The following CADM2 variants were observed in gnomAD, a reference collection of about 807,000 sequenced individuals.
The protein encoded by CADM2 is immunoglobulin superfamily member 4D.
Under a neutral mutation model 49.8 loss-of-function variants are expected in CADM2, and 12 were observed. The observed-to-expected ratio is 0.24, with a 90% CI of 0.15 to 0.39. The LOEUF is 0.39. CADM2 is among the 10% of genes least tolerant of loss of function. The pLI, the probability that CADM2 is intolerant of heterozygous loss-of-function variation, is 1.00. For synonymous variants in CADM2, 214 were observed against 175.4 expected (o/e 1.22, Z -1.74); for missense variants, 378 against 492.3 (o/e 0.77, Z 2.20).
chr3:85,595,157 G>T (rs1301272194), intron 1 of CADM2, among the ~76,000 whole-genome samples: 1 of 151,996 alleles, frequency 6.6e-6, no homozygotes, highest in African/African-American at 2.4e-5. Flanking sequence ...CAGTACTGAA[G>T]TGTCTATTCA....
At chr3:85,236,351 A>G (rs909834055) in intron 1 of CADM2, among the ~76,000 whole-genome samples, 7 of 152,070 alleles carry the variant, frequency 4.6e-5, no homozygotes, top group African/African-American at 1.7e-4. Context: ...AAGAAGGATT[A>G]AGACGTCAAT....
rs185775164 is a variant in CADM2 at position 85,725,420 on chromosome 3, G to T, written c.62-1102G>T. On this transcript the variant is annotated intron_variant, in intron 1 of 9. Coordinates refer to ENST00000383699, the MANE Select transcript of CADM2 (RefSeq NM_001167675.2). ...AAATCTATGTTAAATTTTACTAAAGGTCAGTCCACCAAACAAGACTGCACA... is the reference window on the plus strand; with the variant it reads ...AAATCTATGTTAAATTTTACTAAAGTTCAGTCCACCAAACAAGACTGCACA... Among the ~76,000 whole-genome samples, 3 of 151,840 alleles carry T rather than the reference G, an allele frequency of 2.0e-5. No individual in the cohort carries two copies. In the East Asian group the frequency reaches 5.8e-4, roughly 29 times the overall value.
rs1345720376 is a variant in CADM2 at position 85,013,965 on chromosome 3, TGTAATAATATTGTATATTATATATAC to T, written c.61+54299_61+54324del. ...AATATTGTATATTATATATACGCAG[TGTAATAATATTGTATATTATATATAC>T]GCAGTGTAATAATATTGTATATTAT... On this transcript the variant is annotated intron_variant, in intron 1 of 9. Coordinates refer to ENST00000383699, the MANE Select transcript of CADM2 (RefSeq NM_001167675.2). Among the ~76,000 whole-genome samples, 4 of 146,098 alleles carry T rather than the reference TGTAATAATATTGTATATTATATATAC, an allele frequency of 2.7e-5. No homozygotes were observed. In the Admixed American group the frequency reaches 2.8e-4, roughly 10 times the overall value.
At chr3:85,983,497 C>G (rs780523282) in intron 8 of CADM2, among the ~76,000 whole-genome samples, 1 of 151,556 alleles carries the variant, frequency 6.6e-6, no homozygotes, top group Non-Finnish European at 1.5e-5. Context: ...ACAGGTTTGA[C>G]TTGAGAGTTA....
chr3:85,877,844 TG>T (rs1264997572), intron 3 of CADM2, among the ~76,000 whole-genome samples: 1 of 152,080 alleles, frequency 6.6e-6, no homozygotes, highest in Non-Finnish European at 1.5e-5. Flanking sequence ...AGCTACTCAC[TG>T]AATGCCTACT....
intron 1 of CADM2, among the ~76,000 whole-genome samples, chr3:85,197,200 A>G (rs971110552): frequency 1.3e-5 from 2 of 151,868 alleles, no homozygotes; most frequent in Non-Finnish European, 2.9e-5. Flanking sequence ...AACAAAATGG[A>G]CATGAATTTT....
At chr3:85,074,072 T>A (rs566325290) in intron 1 of CADM2, among the ~76,000 whole-genome samples, 1 of 152,286 alleles carries the variant, frequency 6.6e-6, no homozygotes. Context: ...TGTAAGTTCA[T>A]GTGACTACCA....
chr3:85,435,577 T>C (rs147011208), intron 1 of CADM2, among the ~76,000 whole-genome samples: 6,048 of 152,214 alleles, frequency 0.04, 406 homozygotes, highest in African/African-American at 0.14. Context: ...TTTTAGATCC[T>C]TGAGGAATCG....
At chr3:85,228,898 T>C (rs1249082346) in intron 1 of CADM2, among the ~76,000 whole-genome samples, 4 of 152,164 alleles carry the variant, frequency 2.6e-5, no homozygotes, top group Non-Finnish European at 5.9e-5. Flanking sequence ...GAGGGACATT[T>C]AAGTCTGCCG....
intron 2 of CADM2, among the ~76,000 whole-genome samples, chr3:85,738,229 G>A (rs1179717412): frequency 2.0e-5 from 3 of 152,158 alleles, no homozygotes; most frequent in Non-Finnish European, 4.4e-5. Context: ...GAAATAGAGA[G>A]CAAATATCTG....
intron 1 of CADM2, among the ~76,000 whole-genome samples, chr3:85,126,812 C>T (rs2039049502): frequency 6.6e-6 from 1 of 151,926 alleles, no homozygotes; most frequent in Non-Finnish European, 1.5e-5. Context: ...CTTATCTTTC[C>T]TGTTTGTTGT....
chr3:85,272,140 T>C (rs1043827877), intron 1 of CADM2, among the ~76,000 whole-genome samples: 1 of 150,014 alleles, frequency 6.7e-6, no homozygotes, highest in African/African-American at 2.4e-5. Flanking sequence ...GGCAAGAAAA[T>C]AACAGAGAAA....
chr3:85,033,770 C>T (rs551530351), intron 1 of CADM2, among the ~76,000 whole-genome samples: 1 of 151,760 alleles, frequency 6.6e-6, no homozygotes, highest in Non-Finnish European at 1.5e-5. Context: ...AAAGAGAATG[C>T]AAGTACAATA....
At chr3:85,994,637 C>A (rs1169016031) in intron 8 of CADM2, 2 of 152,098 alleles carry the variant, frequency 1.3e-5, no homozygotes, top group African/African-American at 4.8e-5. Flanking sequence ...TGTGTGCCAC[C>A]TCCTTTCATT....
intron 5 of CADM2, among the ~76,000 whole-genome samples, chr3:85,898,067 A>T (rs904939586): frequency 2.0e-5 from 3 of 152,110 alleles, no homozygotes; most frequent in African/African-American, 7.2e-5. Context: ...AAATGTGGGT[A>T]TGTATATCTG....
chr3:85,282,429 AT>A (rs1200462213), intron 1 of CADM2, among the ~76,000 whole-genome samples: 1,668 of 124,016 alleles, frequency 0.013, 25 homozygotes, highest in African/African-American at 0.033. Context: ...TCTTGGCCAA[AT>A]TTTTTTTTTT....
chr3:85,870,284 C>T (rs931103500), intron 3 of CADM2, among the ~76,000 whole-genome samples: 1 of 151,486 alleles, frequency 6.6e-6, no homozygotes, highest in African/African-American at 2.4e-5. Context: ...GTTCAGGGTA[C>T]ATGTGCAGAT....
chr3:85,252,650 C>T (rs943482493), intron 1 of CADM2, among the ~76,000 whole-genome samples: 1 of 151,940 alleles, frequency 6.6e-6, no homozygotes, highest in Admixed American at 6.6e-5. Context: ...TTATTCTCAT[C>T]TTTCAGTTAG....
chr3:85,259,501 G>T (rs1166400320), intron 1 of CADM2, among the ~76,000 whole-genome samples: 8 of 152,024 alleles, frequency 5.3e-5, no homozygotes, highest in Non-Finnish European at 1.2e-4. Context: ...TGTAAAGGAG[G>T]TATTGAAAAT....
Sources: allele counts gnomAD v4.1 joint callset (sites outside exome capture counted in the v4.1 genomes callset), GRCh38; gene constraint gnomAD v4.1.1; transcripts MANE v1.5; gene names NCBI Gene and HGNC (gene_info 2026-07-23, HGNC 2026-07-21).